The following ADAM9 variants were observed in gnomAD, a reference collection of about 807,000 sequenced individuals.
The protein encoded by ADAM9 is ADAM metallopeptidase domain 9.
In ADAM9, 54 loss-of-function variants were observed where a neutral mutation model predicts 108.1. The ratio of observed to expected loss-of-function variants is 0.50; its 90% CI spans 0.40 to 0.63. ADAM9 has a LOEUF of 0.63. ADAM9 is among the 20% of genes least tolerant of loss of function. The pLI is 0.00. For synonymous variants in ADAM9, 316 were observed against 336.0 expected (o/e 0.94, Z 0.65); for missense variants, 830 against 997.7 (o/e 0.83, Z 2.26).
intron 9 of ADAM9, among the ~76,000 whole-genome samples, chr8:39,023,763 T>C (rs1836828450): frequency 6.8e-6 from 1 of 146,482 alleles, no homozygotes; most frequent in African/African-American, 2.6e-5. Context: ...TTTTTTTTTT[T>C]GGAGACAGAG....
chr8:39,048,432 A>G (rs2129437642), intron 12 of ADAM9, among the ~76,000 whole-genome samples: 1 of 152,268 alleles, frequency 6.6e-6, no homozygotes, highest in East Asian at 1.9e-4. Flanking sequence ...CATTTTGGTC[A>G]GAAAATATAT....
intron 18 of ADAM9, among the ~76,000 whole-genome samples, chr8:39,087,745 A>G (rs1839220231): frequency 6.6e-6 from 1 of 152,230 alleles, no homozygotes; most frequent in South Asian, 2.1e-4. Flanking sequence ...TGTACTCATT[A>G]GTAAGTATAA....
At chr8:39,035,723 A>G (rs1837249718) in intron 11 of ADAM9, among the ~76,000 whole-genome samples, 1 of 152,142 alleles carries the variant, frequency 6.6e-6, no homozygotes, top group African/African-American at 2.4e-5. Context: ...AGGCTGAGGC[A>G]GGCGAATGGC....
chr8:39,021,501 C>A (rs961645330), intron 7 of ADAM9, 142 bp from the exon 8 acceptor site: 1 of 723,898 alleles, frequency 1.4e-6, no homozygotes, highest in Admixed American at 2.0e-5. Flanking sequence ...CTAGGCTGGT[C>A]TCGAACTCCT....
chr8:38,998,803 T>C (rs757489176), intron 1 of ADAM9, among the ~76,000 whole-genome samples: 11 of 151,994 alleles, frequency 7.2e-5, no homozygotes, highest in African/African-American at 9.7e-5. Context: ...TTTTAGGAAA[T>C]GATAAAAATG....
intron 1 of ADAM9, among the ~76,000 whole-genome samples, chr8:39,000,918 C>A (rs964673479): frequency 6.6e-6 from 1 of 152,106 alleles, no homozygotes; most frequent in Non-Finnish European, 1.5e-5. Context: ...AATGATATCA[C>A]CCCCAGACAT....
At chr8:39,018,387 T>G (rs1836616684) in intron 6 of ADAM9, among the ~76,000 whole-genome samples, 1 of 152,228 alleles carries the variant, frequency 6.6e-6, no homozygotes, top group South Asian at 2.1e-4. Flanking sequence ...AATGGCAACC[T>G]TATTCTAACT....
chr8:39,086,749 T>C lies in ADAM9; in HGVS notation c.2069-3298T>C, dbSNP rs557477994. Among the ~76,000 whole-genome samples the C allele has an allele frequency of 3.9e-5, 6 of 152,350 alleles. No homozygotes were observed. In the East Asian group the frequency reaches 1.2e-3, roughly 29 times the overall value. ...TCTATTGATGAGGTTTGTACTAGTA[T>C]GTTTGAGTTACGTCGACATAGTTTG... On this transcript the variant is annotated intron_variant, in intron 18 of 21. Transcript: ENST00000487273.
intron 2 of ADAM9, among the ~76,000 whole-genome samples, chr8:39,009,488 T>G (rs923258877): frequency 1.3e-5 from 2 of 152,150 alleles, no homozygotes; most frequent in South Asian, 4.1e-4. Context: ...ATCCACCTGC[T>G]TCAGCCTCCC....
chr8:39,043,475 G>A (rs1308814763), intron 12 of ADAM9, among the ~76,000 whole-genome samples: 1 of 152,004 alleles, frequency 6.6e-6, no homozygotes, highest in Non-Finnish European at 1.5e-5. Context: ...ATCCTAACAG[G>A]TATGAAATTA....
Position 39,082,688 on chromosome 8 carries a change from CTG to C in ADAM9, c.1932_1933del (p.Cys644Ter), listed in dbSNP as rs765993344. 6.2e-7 allele frequency: 1 copy of C among 1,609,348 alleles called. No individual in the cohort carries two copies. Among genetic ancestry groups the C allele is most frequent in the Non-Finnish European group, 8.5e-7 (1 of 1,178,344 alleles). ...TAGATGCTTCTGTTCTGAATTATGA[CTG>C]TGATGTTCAGAAAAAGTGTCATGGA... ...CVDASVLNYDCDVQKKCHGHG... is the reference protein window; with the variant it reads ...CVDASVLNYDXDVQKKCHGHG... On this transcript the variant is annotated frameshift_variant, in exon 17 of 22. Transcript: ENST00000487273. LOFTEE classifies it high-confidence loss of function.
chr8:39,045,193 T>C (rs1379602156), intron 12 of ADAM9, among the ~76,000 whole-genome samples: 1 of 117,582 alleles, frequency 8.5e-6, no homozygotes, highest in Non-Finnish European at 1.9e-5. Flanking sequence ...TATACATACA[T>C]ATATGTGTAT....
At chr8:39,095,261 G>A (rs1006000406) in intron 20 of ADAM9, among the ~76,000 whole-genome samples, 2 of 152,036 alleles carry the variant, frequency 1.3e-5, no homozygotes, top group Non-Finnish European at 2.9e-5. Flanking sequence ...TGTATATGTG[G>A]GTCATGAATA....
At chr8:39,066,194 T>G (rs1461666974) in intron 14 of ADAM9, among the ~76,000 whole-genome samples, 1 of 152,258 alleles carries the variant, frequency 6.6e-6, no homozygotes, top group Non-Finnish European at 1.5e-5. Context: ...CTGTTGTGAA[T>G]AGTGCTGCAA....
At chr8:38,997,735 G>A (rs1835867075) in intron 1 of ADAM9, among the ~76,000 whole-genome samples, 1 of 152,206 alleles carries the variant, frequency 6.6e-6, no homozygotes, top group African/African-American at 2.4e-5. Flanking sequence ...TTTCTCTTGG[G>A]TCATTTTTGT....
At chr8:39,047,586 A>T (rs1157646147) in intron 12 of ADAM9, among the ~76,000 whole-genome samples, 1 of 151,806 alleles carries the variant, frequency 6.6e-6, no homozygotes. Flanking sequence ...TGATGTGTAA[A>T]TGTTTATAGT....
intron 1 of ADAM9, among the ~76,000 whole-genome samples, chr8:38,998,596 A>G (rs993844445): frequency 1.7e-4 from 26 of 152,178 alleles, no homozygotes; most frequent in Admixed American, 1.7e-3. Context: ...AACACCACAC[A>G]GTTGATTGTA....
intron 20 of ADAM9, among the ~76,000 whole-genome samples, chr8:39,092,473 C>T (rs572628235): frequency 5.9e-5 from 9 of 152,164 alleles, no homozygotes; most frequent in Admixed American, 5.9e-4. Flanking sequence ...TACAGGATGG[C>T]CACAAAGGCC....
chr8:39,089,218 G>A (rs1839272911), intron 18 of ADAM9, among the ~76,000 whole-genome samples: 1 of 152,076 alleles, frequency 6.6e-6, no homozygotes, highest in Non-Finnish European at 1.5e-5. Context: ...CATTGCACTA[G>A]CCTGGGCAAC....
Sources: allele counts gnomAD v4.1 joint callset (sites outside exome capture counted in the v4.1 genomes callset), GRCh38; gene constraint gnomAD v4.1.1; transcripts MANE v1.5; gene names NCBI Gene and HGNC (gene_info 2026-07-23, HGNC 2026-07-21).